The following CKAP5 variants were observed in gnomAD, a reference collection of about 807,000 sequenced individuals.
CKAP5 encodes the protein cytoskeleton associated protein 5.
CKAP5 carries 27 observed loss-of-function variants against 232.8 expected under a neutral mutation model. The ratio of observed to expected loss-of-function variants is 0.12; its 90% CI spans 0.09 to 0.16. The LOEUF (loss-of-function observed/expected upper bound fraction) is 0.16, where lower values mean the gene tolerates loss of function less well. Ranked by LOEUF, CKAP5 falls within the 10% of genes least tolerant of loss-of-function variation. The pLI is 1.00. For synonymous variants in CKAP5, 785 were observed against 841.1 expected, an observed-to-expected ratio of 0.93 and a Z score of 1.16; for missense variants, 1,838 against 2,424.7, an observed-to-expected ratio of 0.76 and a Z score of 5.08.
intron 1 of CKAP5, among the ~76,000 whole-genome samples, chr11:46,838,617 CAAAAAAAAAAA>C (rs56117525): frequency 6.7e-5 from 3 of 45,036 alleles, no homozygotes; most frequent in Non-Finnish European, 1.1e-4. Context: ...CTTGCCTCTT[CAAAAAAAAAAA>C]AAAAAAAAAA....
chr11:46,749,457 G>GAAAAAA (rs951405505), intron 42 of CKAP5, among the ~76,000 whole-genome samples: 1 of 76,490 alleles, frequency 1.3e-5, no homozygotes, highest in Admixed American at 1.6e-4. Flanking sequence ...TCCGTCTCAA[G>GAAAAAA]AAAAAAAAAA....
chr11:46,819,859 A>C (rs1248563901), intron 2 of CKAP5, among the ~76,000 whole-genome samples: 1 of 152,130 alleles, frequency 6.6e-6, no homozygotes, highest in Non-Finnish European at 1.5e-5. Context: ...AACATTTACT[A>C]ACCAATTTAA....
chr11:46,801,562 T>C (rs1176140366), intron 8 of CKAP5, among the ~76,000 whole-genome samples: 1 of 151,676 alleles, frequency 6.6e-6, no homozygotes, highest in East Asian at 1.9e-4. Context: ...CCCAGCTATT[T>C]GGAAGGCTGA....
intron 38 of CKAP5, among the ~76,000 whole-genome samples, chr11:46,752,183 T>TACAC (rs1356619559): frequency 3.4e-4 from 22 of 65,632 alleles, no homozygotes; most frequent in African/African-American, 1.0e-3. Context: ...TATATATATA[T>TACAC]ATATATATAT....
In CKAP5 at chr11:46,816,200, TA is replaced by T. The variant is rs750836300; in HGVS notation, c.455del (p.Leu152Ter). On this transcript the variant is annotated frameshift_variant, in exon 4 of 44. Coordinates refer to ENST00000529230, the MANE Select transcript of CKAP5 (RefSeq NM_001008938.4). LOFTEE classifies it high-confidence loss of function. ...VACIETLRKA[L>X]SEFGSKIILL... Reference sequence around the variant, plus strand: ...ACAAAGCTAAAACAAAGTCTTACCTTAAGGCTTTCCTCAGTGTCTCTATACA... The same window carrying T: ...ACAAAGCTAAAACAAAGTCTTACCTTAGGCTTTCCTCAGTGTCTCTATACA... The T allele has an allele frequency of 6.2e-7, 1 of 1,613,560 alleles. No individual in the cohort carries two copies. Among genetic ancestry groups the T allele is most frequent in the South Asian group, 1.1e-5 (1 of 91,020 alleles).
In CKAP5 at chr11:46,821,371, G is replaced by A. The variant is rs1158249984; in HGVS notation, c.-37-103C>T. ...TTTTATCATTCATGCAACAACAAGAGTAAAAATCCCGTTCTTTCGTCAGAT... is the reference window on the plus strand; with the variant it reads ...TTTTATCATTCATGCAACAACAAGAATAAAAATCCCGTTCTTTCGTCAGAT... On this transcript the variant is annotated intron_variant, in intron 1 of 43. Coordinates refer to ENST00000529230, the MANE Select transcript of CKAP5 (RefSeq NM_001008938.4). 10 of 407,424 alleles carry A rather than the reference G, an allele frequency of 2.5e-5. No individual in the cohort carries two copies. In the East Asian group the frequency reaches 5.3e-4, roughly 22 times the overall value. 25.2% of individuals were successfully genotyped at this position (407,424 alleles called of 1,614,324 possible).
intron 4 of CKAP5, 109 bp from the exon 5 acceptor site, chr11:46,811,287 T>C (rs930705450): frequency 6.8e-6 from 6 of 881,238 alleles, no homozygotes; most frequent in East Asian, 5.6e-5. Flanking sequence ...AGAAGAATTA[T>C]ATAAGTTCAG....
chr11:46,779,205 T>C (rs2065317549), intron 20 of CKAP5, among the ~76,000 whole-genome samples: 1 of 152,132 alleles, frequency 6.6e-6, no homozygotes. Context: ...ATGATCTTGG[T>C]TCACTGCAAC....
At chr11:46,772,125 C>T (rs531946897) in intron 24 of CKAP5, among the ~76,000 whole-genome samples, 2 of 151,620 alleles carry the variant, frequency 1.3e-5, no homozygotes, top group African/African-American at 4.8e-5. Context: ...ACAGGCTTGG[C>T]CATGGATACC....
intron 32 of CKAP5, 51 bp downstream of exon 32, chr11:46,761,949 T>C (rs754588124): frequency 6.8e-7 from 1 of 1,461,240 alleles, no homozygotes; most frequent in Non-Finnish European, 9.5e-7. Context: ...ACCTAGGAGA[T>C]CTTGCAATTC....
chr11:46,795,496 G>A, intron 13 of CKAP5, 98 bp downstream of exon 13: 2 of 936,722 alleles, frequency 2.1e-6, no homozygotes, highest in Non-Finnish European at 1.6e-6. Flanking sequence ...TGTGGCCAAT[G>A]AATTCATTTC....
Position 46,762,622 on chromosome 11 carries a change from T to C in CKAP5, c.4027+5A>G. The C allele has an allele frequency of 2.5e-6, 4 of 1,614,044 alleles. No homozygotes were observed. The highest frequency in any genetic ancestry group is 3.4e-6 in the Non-Finnish European group (4 of 1,179,940). On this transcript the variant is annotated splice_donor_5th_base_variant and intron_variant, in intron 31 of 43. Transcript: ENST00000529230. The stretch of plus-strand genomic sequence containing the variant: ...TCACATCTCAGTTTAAACTGTTTGC[T>C]TCACCTGCTCTCTGCTTAGAGTTTT...
At chr11:46,825,888 GATTTTTATTATTTA>G (rs1257009381) in intron 1 of CKAP5, among the ~76,000 whole-genome samples, 1 of 152,032 alleles carries the variant, frequency 6.6e-6, no homozygotes, top group East Asian at 1.9e-4. Flanking sequence ...GAAAACTTAA[GATTTTTATTATTTA>G]ACCAAAATCT....
Position 46,744,352 on chromosome 11 carries a change from C to T in CKAP5, c.5856+74G>A, listed in dbSNP as rs544266654. ...GAACTACAGCAAGACTAAGCCACTT[C>T]TCTGTGGGCCAGCCTGCCTCGGACC... On this transcript the variant is annotated intron_variant, in intron 43 of 43. Coordinates refer to ENST00000529230, the MANE Select transcript of CKAP5 (RefSeq NM_001008938.4). 3.8e-5 allele frequency: 62 copies of T among 1,612,666 alleles called. 1 individual carries two copies. In the South Asian group the frequency reaches 6.0e-4, roughly 16 times the overall value.
intron 23 of CKAP5, among the ~76,000 whole-genome samples, 184 bp downstream of exon 23, chr11:46,777,253 TAA>T (rs1308868653): frequency 6.6e-6 from 1 of 152,198 alleles, no homozygotes; most frequent in Admixed American, 6.6e-5. Context: ...ACAAAACTAA[TAA>T]GTGATACCTG....
At chr11:46,778,651 A>T (rs2065312636) in intron 20 of CKAP5, 52 bp from the exon 21 acceptor site, 1 of 1,494,016 alleles carries the variant, frequency 6.7e-7, no homozygotes, top group African/African-American at 1.4e-5. Context: ...GGATATGGGA[A>T]CAAACAAATT....
chr11:46,818,374 C>T lies in CKAP5; in HGVS notation c.187G>A (p.Val63Met). Residue 63 changes from valine to methionine, a missense_variant, in exon 3 of 44, where the codon GTG (valine) becomes ATG (methionine). By Grantham distance (21) the Val-to-Met change is conservative (BLOSUM62 1). Coordinates refer to ENST00000529230, the MANE Select transcript of CKAP5 (RefSeq NM_001008938.4). ...IKKFVTDSNA[V>M]VQLKGLEAAL... ...GCTTCTAATCCTTTCAATTGAACCA[C>T]TGCATTGGAATCAGTGACAAATTTT... 2 of 1,612,216 alleles carry T rather than the reference C, an allele frequency of 1.2e-6. No homozygotes were observed. The highest frequency in any genetic ancestry group is 1.1e-5 in the South Asian group (1 of 90,752).
chr11:46,778,922 A>G (rs2065314859), intron 20 of CKAP5, among the ~76,000 whole-genome samples: 1 of 152,120 alleles, frequency 6.6e-6, no homozygotes, highest in Admixed American at 6.6e-5. Flanking sequence ...TAAAAATACA[A>G]AAATTAGCCT....
At chr11:46,793,938 A>AC (rs1343726567) in intron 13 of CKAP5, among the ~76,000 whole-genome samples, 2 of 150,616 alleles carry the variant, frequency 1.3e-5, no homozygotes, top group African/African-American at 4.9e-5. Context: ...GAAAAAACAA[A>AC]AAAAAAATAC....
Sources: gnomAD v4.1 joint callset for allele counts (sites outside exome capture counted in the v4.1 genomes callset) on GRCh38, gnomAD v4.1.1 for gene constraint, MANE v1.5 for transcripts, NCBI Gene and HGNC (gene_info 2026-07-23, HGNC 2026-07-21) for gene names.